TAF8: variants seen among roughly 807,000 people sequenced by gnomAD.
The protein encoded by TAF8 is transcription initiation factor TFIID subunit 8.
Under a neutral mutation model 36.5 loss-of-function variants are expected in TAF8, and 47 were observed. That is an observed-to-expected ratio of 1.29 (90% CI 1.02 to 1.64). The LOEUF (loss-of-function observed/expected upper bound fraction) is 1.64, where lower values mean the gene tolerates loss of function less well. Among genes scored for constraint, TAF8 ranks in the 40% most tolerant of loss-of-function variants. The pLI is 0.00. For synonymous variants in TAF8, 175 were observed against 159.5 expected (o/e 1.10, Z -0.73); for missense variants, 420 against 407.6 (o/e 1.03, Z -0.26).
intron 4 of TAF8, 120 bp from the exon 5 acceptor site, chr6:42,057,269 A>G: frequency 2.8e-6 from 4 of 1,404,874 alleles, no homozygotes; most frequent in Non-Finnish European, 4.0e-6. Flanking sequence ...ACAAAATGCA[A>G]CTTGTTTAGA....
At chr6:42,062,004 G>A (rs1400134062) in intron 5 of TAF8, among the ~76,000 whole-genome samples, 3 of 152,088 alleles carry the variant, frequency 2.0e-5, no homozygotes, top group African/African-American at 4.8e-5. Context: ...AACAAGACTC[G>A]ATGAAGATAG....
chr6:42,057,360 AG>A, intron 4 of TAF8, 28 bp from the exon 5 acceptor site: 1 of 1,613,730 alleles, frequency 6.2e-7, no homozygotes, highest in East Asian at 2.2e-5. Context: ...TCTTGGGTGG[AG>A]GGGTAATCAG....
chr6:42,057,864 T>C (rs1174099896), intron 5 of TAF8: 1 of 300,360 alleles, frequency 3.3e-6, no homozygotes, highest in Non-Finnish European at 6.1e-6. Flanking sequence ...AGCTAAAGTA[T>C]AATTAACAAA....
rs369565793 is a variant in TAF8, at chr6:42,077,183, C to T, written c.864C>T (p.Asn288=). ...SLSGSRNGEE[N]IIDNPYLRPV... ...CGGGTAGCCGGAATGGGGAGGAGAA[C>T]ATCATCGATAACCCTTATCTGCGGC... Residue 288 remains asparagine, a synonymous_variant, in exon 8 of 9, where the codon AAC becomes AAT. Coordinates refer to ENST00000372977, the MANE Select transcript of TAF8 (RefSeq NM_138572.3). 2 of 1,614,148 alleles carry T rather than the reference C, an allele frequency of 1.2e-6. No individual in the cohort carries two copies. Among genetic ancestry groups the T allele is most frequent in the South Asian group, 1.1e-5 (1 of 91,082 alleles).
intron 7 of TAF8, among the ~76,000 whole-genome samples, chr6:42,075,131 G>A (rs952911855): frequency 6.6e-6 from 1 of 152,184 alleles, no homozygotes; most frequent in African/African-American, 2.4e-5. Context: ...GTCTACTGTA[G>A]AGAAATGATA....
intron 2 of TAF8, 104 bp downstream of exon 2, chr6:42,051,617 TAA>T (rs1582208864): frequency 2.8e-6 from 4 of 1,411,102 alleles, no homozygotes; most frequent in South Asian, 2.9e-5. Flanking sequence ...ACTTTTTTCT[TAA>T]GAGGGGAGAA....
intron 4 of TAF8, 36 bp from the exon 5 acceptor site, chr6:42,057,353 T>C (rs1765029046): frequency 6.2e-7 from 1 of 1,613,628 alleles, no homozygotes; most frequent in Non-Finnish European, 8.5e-7. Context: ...ATCAGGGTCT[T>C]GGGTGGAGGG....
chr6:42,070,787 G>C (rs1427526644), intron 7 of TAF8, among the ~76,000 whole-genome samples: 1 of 152,180 alleles, frequency 6.6e-6, no homozygotes, highest in Non-Finnish European at 1.5e-5. Context: ...AAGGGAAAAT[G>C]GATACAGGAG....
intron 8 of TAF8, 41 bp downstream of exon 8, chr6:42,077,280 A>G (rs1315557304): frequency 6.3e-7 from 1 of 1,592,298 alleles, no homozygotes; most frequent in Admixed American, 1.7e-5. Context: ...TCACTGTCCC[A>G]CCGAGGTGGT....
chr6:42,077,530 T>G lies in TAF8; in HGVS notation c.921-3T>G. ...GAGGCTCCATGGTTCCTCTTCTTTC[T>G]AGGTCCCTCTCCTGAGCTGAGAAGG... On this transcript the variant is annotated splice_region_variant and splice_polypyrimidine_tract_variant and intron_variant, in intron 8 of 8. Transcript: ENST00000372977. 1 of 1,612,982 alleles carries G rather than the reference T, an allele frequency of 6.2e-7. No homozygotes were observed. Among genetic ancestry groups the G allele is most frequent in the Non-Finnish European group, 8.5e-7 (1 of 1,179,578 alleles).
At chr6:42,070,801 A>G (rs960879410) in intron 7 of TAF8, among the ~76,000 whole-genome samples, 1 of 152,198 alleles carries the variant, frequency 6.6e-6, no homozygotes, top group Non-Finnish European at 1.5e-5. Context: ...ACAGGAGAGA[A>G]AGAAAAGTCT....
chr6:42,065,018 C>T (rs926533766), intron 5 of TAF8, among the ~76,000 whole-genome samples: 5 of 148,192 alleles, frequency 3.4e-5, no homozygotes, highest in African/African-American at 1.0e-4. Flanking sequence ...CTTTATTGGT[C>T]GTTGTTAAAA....
chr6:42,064,875 T>A (rs1283788811), intron 5 of TAF8, among the ~76,000 whole-genome samples: 1 of 55,830 alleles, frequency 1.8e-5, no homozygotes, highest in Non-Finnish European at 3.6e-5. Flanking sequence ...GAGAATGGCA[T>A]GCACCCGGGG....
intron 2 of TAF8, among the ~76,000 whole-genome samples, chr6:42,052,236 G>A (rs139120765): frequency 1.3e-5 from 2 of 152,074 alleles, no homozygotes; most frequent in African/African-American, 4.8e-5. Flanking sequence ...GGGGAGTCAG[G>A]ACTAATTCCC....
At chr6:42,065,968 T>C (rs1241741835) in intron 5 of TAF8, among the ~76,000 whole-genome samples, 2 of 152,206 alleles carry the variant, frequency 1.3e-5, no homozygotes, top group African/African-American at 4.8e-5. Flanking sequence ...TGATGCAGTC[T>C]CGGCTCACTG....
intron 5 of TAF8, among the ~76,000 whole-genome samples, chr6:42,058,462 A>G (rs1233996811): frequency 1.3e-5 from 2 of 152,164 alleles, no homozygotes; most frequent in African/African-American, 4.8e-5. Flanking sequence ...GGAGAAGATG[A>G]ATTATCCTCT....
intron 5 of TAF8, among the ~76,000 whole-genome samples, chr6:42,060,282 A>G (rs1034515881): frequency 2.0e-5 from 3 of 152,218 alleles, no homozygotes; most frequent in Middle Eastern, 3.2e-3. Context: ...CTTTTGAAGC[A>G]TAATTTTTCT....
chr6:42,077,300 T>C, intron 8 of TAF8, 61 bp downstream of exon 8: 3 of 1,567,110 alleles, frequency 1.9e-6, no homozygotes, highest in Non-Finnish European at 2.6e-6. Context: ...TCTTCTCTGC[T>C]TCTTGGAAGA....
At chr6:42,057,547 T>G (rs1409202387) in intron 5 of TAF8, 34 bp downstream of exon 5, 6 of 1,612,486 alleles carry the variant, frequency 3.7e-6, no homozygotes, top group Non-Finnish European at 5.1e-6. Flanking sequence ...GCGCGTGGTG[T>G]AAAGCACGGA....
Sources: gnomAD v4.1 joint callset for allele counts (sites outside exome capture counted in the v4.1 genomes callset) on GRCh38, gnomAD v4.1.1 for gene constraint, MANE v1.5 for transcripts, NCBI Gene and HGNC (gene_info 2026-07-23, HGNC 2026-07-21) for gene names.